DNAH5: variants seen among roughly 807,000 people sequenced by gnomAD.
The protein encoded by DNAH5 is axonemal beta dynein heavy chain 5.
DNAH5 carries 372 observed loss-of-function variants against 518.2 expected under a neutral mutation model. That is an observed-to-expected ratio of 0.72 (90% CI 0.66 to 0.78). The LOEUF (loss-of-function observed/expected upper bound fraction) is 0.78, where lower values mean the gene tolerates loss of function less well. DNAH5 is among the 30% of genes least tolerant of loss of function. The probability of loss-of-function intolerance (pLI) is 0.00; values close to 1 mark genes in which losing one functional copy is unlikely to be tolerated. For missense variants in DNAH5, 5,523 were observed against 5,687.0 expected, an observed-to-expected ratio of 0.97 and a Z score of 0.93; for synonymous variants, 2,039 against 2,025.9, an observed-to-expected ratio of 1.01 and a Z score of -0.17.
chr5:13,954,248 T>C (rs1034981227), intron 1 of DNAH5, among the ~76,000 whole-genome samples: 3 of 152,288 alleles, frequency 2.0e-5, no homozygotes, highest in African/African-American at 4.8e-5. Context: ...TATAAAACAC[T>C]TCCTTCCCAG....
At chr5:13,710,299 A>G (rs946822393) in intron 75 of DNAH5, among the ~76,000 whole-genome samples, 4 of 152,200 alleles carry the variant, frequency 2.6e-5, no homozygotes, top group Admixed American at 2.6e-4. Context: ...CTGTGGGACA[A>G]AAGAATCTGA....
At chr5:13,772,552 C>T (rs1753486403) in intron 55 of DNAH5, among the ~76,000 whole-genome samples, 1 of 152,226 alleles carries the variant, frequency 6.6e-6, no homozygotes, top group Non-Finnish European at 1.5e-5. Flanking sequence ...AATATCCCAT[C>T]ACCAAGGCAG....
intron 38 of DNAH5, 134 bp from the exon 39 acceptor site, chr5:13,824,467 G>A: frequency 1.2e-6 from 1 of 823,064 alleles, no homozygotes; most frequent in South Asian, 1.5e-5. Flanking sequence ...TACACACAAT[G>A]GGGTAAAATA....
intron 38 of DNAH5, among the ~76,000 whole-genome samples, chr5:13,827,873 G>A (rs1327534678): frequency 6.6e-6 from 1 of 152,050 alleles, no homozygotes; most frequent in Non-Finnish European, 1.5e-5. Flanking sequence ...TTTATAAGGG[G>A]CTTTTCCCCC....
At chr5:13,962,311 G>T (rs1339326187) in intron 1 of DNAH5, among the ~76,000 whole-genome samples, 1 of 152,120 alleles carries the variant, frequency 6.6e-6, no homozygotes, top group Non-Finnish European at 1.5e-5. Flanking sequence ...TTTTTCACAG[G>T]AAAGCAATAT....
Position 13,885,243 on chromosome 5 carries a change from A to AAGAGAT in DNAH5, c.2744-21_2744-16dup, listed in dbSNP as rs1212337858. 3.1e-6 allele frequency: 5 copies of AAGAGAT among 1,613,688 alleles called. No homozygotes were observed. In the South Asian group the frequency reaches 3.3e-5, roughly 11 times the overall value. On this transcript the variant is annotated splice_polypyrimidine_tract_variant and intron_variant, in intron 18 of 78. Coordinates refer to ENST00000265104, the MANE Select transcript of DNAH5 (RefSeq NM_001369.3). ...TTCTCTTTTTGCTGTTACAAGATGA[A>AAGAGAT]AGAGATAGAGATAGAGATAAGTTAG...
Position 13,981,583 on chromosome 5 carries a change from C to T in DNAH5, c.12+30065G>A, listed in dbSNP as rs531928595. Among the ~76,000 whole-genome samples the T allele has an allele frequency of 3.3e-5, 5 of 152,202 alleles. No homozygotes were observed. In the East Asian group the frequency reaches 9.7e-4, roughly 29 times the overall value. On this transcript the variant is annotated intron_variant, in intron 1 of 78. Coordinates refer to the DNAH5 transcript ENST00000681290. ...AAGTGGAATGTGCTGGCTCTCTCCCCCATCTTCCAAGCAGTTGCTGTCTGT... is the reference window on the plus strand; with the variant it reads ...AAGTGGAATGTGCTGGCTCTCTCCCTCATCTTCCAAGCAGTTGCTGTCTGT...
Position 13,780,146 on chromosome 5 carries a change from C to T in DNAH5, c.8951+683G>A, listed in dbSNP as rs558840771. On this transcript the variant is annotated intron_variant, in intron 53 of 78. Coordinates refer to ENST00000265104, the MANE Select transcript of DNAH5 (RefSeq NM_001369.3). ...TCTGCCTTGAACACACTTAACTGCT[C>T]TTCTGCTCTCAGTCTTCCTCATATT... 3.9e-5 allele frequency among the ~76,000 whole-genome samples: 6 copies of T among 152,334 alleles called. No homozygotes were observed. The East Asian group carries it at 1.2e-3, about 29-fold the overall frequency.
intron 61 of DNAH5, among the ~76,000 whole-genome samples, 179 bp from the exon 62 acceptor site, chr5:13,754,517 C>T (rs1019212137): frequency 6.6e-6 from 1 of 152,092 alleles, no homozygotes. Context: ...CTCTCCTTTG[C>T]CCTGTCCTCT....
At chr5:13,985,236 C>T in intron 1 of DNAH5, among the ~76,000 whole-genome samples, 1 of 138,344 alleles carries the variant, frequency 7.2e-6, no homozygotes, top group Non-Finnish European at 1.5e-5. Context: ...AACGAGAACA[C>T]TTGGACACAG....
intron 1 of DNAH5, among the ~76,000 whole-genome samples, chr5:14,008,804 G>A (rs1784910116): frequency 6.6e-6 from 1 of 152,204 alleles, no homozygotes; most frequent in African/African-American, 2.4e-5. Context: ...GAACTGCCCA[G>A]GTATCTGTAA....
intron 1 of DNAH5, among the ~76,000 whole-genome samples, chr5:14,005,767 TG>T (rs1338893821): frequency 2.0e-5 from 3 of 152,222 alleles, no homozygotes; most frequent in African/African-American, 7.2e-5. Context: ...GGAAACTCCA[TG>T]AACAAAAGCA....
chr5:13,759,245 C>T (rs1281887352), intron 60 of DNAH5, among the ~76,000 whole-genome samples: 1 of 152,130 alleles, frequency 6.6e-6, no homozygotes, highest in East Asian at 1.9e-4. Flanking sequence ...TATTTTGGGC[C>T]AAGAGGCAAA....
intron 78 of DNAH5, among the ~76,000 whole-genome samples, chr5:13,695,745 G>A (rs1483081436): frequency 6.6e-6 from 1 of 152,112 alleles, no homozygotes; most frequent in African/African-American, 2.4e-5. Flanking sequence ...ATAGTATGAT[G>A]CCTGGAATGT....
rs1028373401 is a variant in DNAH5 at position 13,732,114 on chromosome 5, T to C, written c.11762-2554A>G. The stretch of plus-strand genomic sequence containing the variant: ...TAGCTTGGGTGACAGAGCAAGACTC[T>C]GTCTTCAAAAAAAAAAAAAAAAAAT... On this transcript the variant is annotated intron_variant, in intron 68 of 78. Coordinates refer to ENST00000265104, the MANE Select transcript of DNAH5 (RefSeq NM_001369.3). 2.5e-4 allele frequency among the ~76,000 whole-genome samples: 26 copies of C among 102,338 alleles called. 1 individual carries two copies. Among genetic ancestry groups the C allele is most frequent in the Admixed American group, 1.1e-3 (12 of 10,508 alleles). The allele number at this position is 102,338 out of a possible 152,430, so 67.1% of individuals were successfully genotyped here.
chr5:13,776,763 A>C, intron 54 of DNAH5, 57 bp from the exon 55 acceptor site: 1 of 1,573,050 alleles, frequency 6.4e-7, no homozygotes, highest in Non-Finnish European at 8.7e-7. Context: ...ATAGATCAAA[A>C]TGTAGAGCTT....
intron 21 of DNAH5, among the ~76,000 whole-genome samples, chr5:13,880,478 C>T (rs963880306): frequency 2.6e-5 from 4 of 151,730 alleles, no homozygotes; most frequent in African/African-American, 9.7e-5. Context: ...CTACTAAAAA[C>T]AACTAGAGCT....
chr5:13,886,131 T>G lies in DNAH5; in HGVS notation c.2578-2A>C. On this transcript the variant is annotated splice_acceptor_variant, in intron 17 of 78. Transcript: ENST00000265104. LOFTEE classifies it high-confidence loss of function. ...TTGTGCACCATTTACACAAAGATCCTAACCAAAAAAAAAAAAAAAAAAAGA... is the reference window on the plus strand; with the variant it reads ...TTGTGCACCATTTACACAAAGATCCGAACCAAAAAAAAAAAAAAAAAAAGA... 8.4e-7 allele frequency: 1 copy of G among 1,185,120 alleles called. No individual in the cohort carries two copies. The highest frequency in any genetic ancestry group is 1.1e-6 in the Non-Finnish European group (1 of 898,610). The allele number at this position is 1,185,120 out of a possible 1,614,324, so 73.4% of individuals were successfully genotyped here.
intron 66 of DNAH5, among the ~76,000 whole-genome samples, chr5:13,736,804 C>T (rs1747537653): frequency 6.6e-6 from 1 of 152,140 alleles, no homozygotes. Flanking sequence ...TTCTCTTGTA[C>T]AAGGCCAATT....
Sources: gnomAD v4.1 joint callset for allele counts (sites outside exome capture counted in the v4.1 genomes callset) on GRCh38, gnomAD v4.1.1 for gene constraint, MANE v1.5 for transcripts, NCBI Gene and HGNC (gene_info 2026-07-23, HGNC 2026-07-21) for gene names.